Variants in IL6R observed in about 807,000 individuals in gnomAD.
IL6R encodes interleukin 6 receptor.
A neutral mutation model predicts 48.3 loss-of-function variants in IL6R; 38 were observed. The ratio of observed to expected loss-of-function variants is 0.79; its 90% CI spans 0.61 to 1.03. IL6R has a LOEUF of 1.03. IL6R is among the 50% of genes least tolerant of loss of function. IL6R has a pLI of 0.00. For missense variants in IL6R, 534 were observed against 618.3 expected, an observed-to-expected ratio of 0.86 and a Z score of 1.45; for synonymous variants, 264 against 256.2, an observed-to-expected ratio of 1.03 and a Z score of -0.29.
At chr1:154,411,318 A>G (rs1688007560) in intron 1 of IL6R, among the ~76,000 whole-genome samples, 1 of 152,174 alleles carries the variant, frequency 6.6e-6, no homozygotes, top group Admixed American at 6.5e-5. Flanking sequence ...TCGGCCTCCC[A>G]AAGTGCTATA....
At chr1:154,425,821 TG>T (rs533834597) in intron 1 of IL6R, among the ~76,000 whole-genome samples, 72 of 150,164 alleles carry the variant, frequency 4.8e-4, no homozygotes, top group African/African-American at 1.7e-3. Context: ...GCCTCATGCC[TG>T]TAATCTCAGC....
chr1:154,455,355 G>T (rs1690809355), intron 9 of IL6R, among the ~76,000 whole-genome samples: 1 of 152,178 alleles, frequency 6.6e-6, no homozygotes, highest in Admixed American at 6.5e-5. Context: ...GTCATAAAAG[G>T]CCTTGAAAGA....
At chr1:154,456,726 C>T (rs887790673) in intron 9 of IL6R, among the ~76,000 whole-genome samples, 7 of 152,056 alleles carry the variant, frequency 4.6e-5, no homozygotes, top group Non-Finnish European at 8.8e-5. Context: ...TGAGATGCCC[C>T]GAGAACCTCA....
At chr1:154,449,190 C>T (rs1690449369) in intron 7 of IL6R, among the ~76,000 whole-genome samples, 4 of 26 alleles carry the variant, frequency 0.15, no homozygotes, top group South Asian at 0.5. Context: ...CCACCGCGCC[C>T]GGCCTTGTAG....
rs1212907967 is a variant in IL6R at position 154,405,663 on chromosome 1, C to T, written c.34C>T (p.Leu12=). ...CGTCGGCTGCGCGCTGCTGGCTGCC[C>T]TGCTGGCCGCGCCGGGAGCGGCGCT... ...LAVGCALLAA[L]LAAPGAALAP... Residue 12 remains leucine, a synonymous_variant, in exon 1 of 10, where the codon CTG becomes TTG. Coordinates refer to ENST00000368485, the MANE Select transcript of IL6R (RefSeq NM_000565.4). The surrounding 1 kb of genome is among the most constrained non-coding windows in gnomAD (Gnocchi z 5.2). 1.3e-6 allele frequency: 2 copies of T among 1,531,878 alleles called. No individual in the cohort carries two copies. The highest frequency in any genetic ancestry group is 1.4e-5 in the African/African-American group (1 of 72,082). The allele number at this position is 1,531,878 out of a possible 1,614,324, so 94.9% of individuals were successfully genotyped here. A position where few individuals can be genotyped will look rare whatever the true frequency, so the allele number is the denominator to read the frequency against.
At chr1:154,456,527 A>G (rs1308337224) in intron 9 of IL6R, among the ~76,000 whole-genome samples, 1 of 152,196 alleles carries the variant, frequency 6.6e-6, no homozygotes, top group Non-Finnish European at 1.5e-5. Context: ...TTTTAGAGGT[A>G]GAATTGACAA....
At position 154,436,047 on chromosome 1, in the gene IL6R, G is replaced by A. The variant is rs773009253; in HGVS notation, c.886G>A (p.Glu296Lys). ...GCACGTGGTGCAGCTTCGTGCCCAG[G>A]AGGAGTTCGGGCAAGGCGAGTGGAG... is the stretch of plus-strand genomic sequence containing the variant. ...LRHVVQLRAQ[E>K]EFGQGEWSEW... is the part of the protein sequence containing the mutation. The change falls in exon 6 of 10, where the codon GAG becomes AAG. Residue 296 changes from glutamate (E) to lysine (K), a missense_variant. Transcript: ENST00000368485. 6.2e-6 allele frequency: 10 copies of A among 1,613,320 alleles called. No individual in the cohort carries two copies. The highest frequency in any genetic ancestry group is 8.5e-6 in the Non-Finnish European group (10 of 1,179,624).
At position 154,465,861 on chromosome 1, in the gene IL6R, G is replaced by A. The variant is rs965788485; in HGVS notation, c.*481G>A. 1.3e-5 allele frequency: 2 copies of A among 158,066 alleles called. No individual in the cohort carries two copies. Among genetic ancestry groups the A allele is most frequent in the Non-Finnish European group, 2.8e-5 (2 of 71,238 alleles). The allele number at this position is 158,066 out of a possible 1,614,324, so 9.8% of individuals were successfully genotyped here. ...TCCAACTCAAACTCTTAAAACCCAAGTGCCTTAGCAAATTCTGTTTTTCTA... is the reference window on the plus strand; with the variant it reads ...TCCAACTCAAACTCTTAAAACCCAAATGCCTTAGCAAATTCTGTTTTTCTA... On this transcript the variant is annotated 3_prime_UTR_variant, in exon 10 of 10. Coordinates refer to ENST00000368485, the MANE Select transcript of IL6R (RefSeq NM_000565.4).
rs1691251013 is a variant in IL6R, at chr1:154,461,364, C to T, written c.1161-3770C>T. The stretch of plus-strand genomic sequence containing the variant: ...TGGTGGAGGACAGTGTTCCCTGACT[C>T]CTCCAAGGAAAGGAGACTCCCTTTT... On this transcript the variant is annotated intron_variant, in intron 9 of 9. Coordinates refer to ENST00000368485, the MANE Select transcript of IL6R (RefSeq NM_000565.4). Among the ~76,000 whole-genome samples the T allele has an allele frequency of 2.6e-5, 4 of 152,144 alleles. No individual in the cohort carries two copies. The South Asian group carries it at 6.2e-4, about 24-fold the overall frequency.
At chr1:154,458,716 C>T (rs570700081) in intron 9 of IL6R, among the ~76,000 whole-genome samples, 7 of 152,198 alleles carry the variant, frequency 4.6e-5, no homozygotes, top group South Asian at 4.2e-4. Flanking sequence ...GCCTGGCCAA[C>T]GTGGAGAAAC....
At chr1:154,419,975 C>G (rs1456622342) in intron 1 of IL6R, among the ~76,000 whole-genome samples, 1 of 151,920 alleles carries the variant, frequency 6.6e-6, no homozygotes, top group Non-Finnish European at 1.5e-5. Flanking sequence ...GGTGGGGGTC[C>G]CAGTGTCCCT....
chr1:154,465,084 C>T, intron 9 of IL6R, 50 bp from the exon 10 acceptor site: 2 of 1,610,576 alleles, frequency 1.2e-6, no homozygotes, highest in South Asian at 2.2e-5. Context: ...GGGCTTGTCA[C>T]AGGGGGAGCT....
intron 2 of IL6R, among the ~76,000 whole-genome samples, chr1:154,429,700 G>A (rs1157099174): frequency 1.3e-5 from 2 of 152,110 alleles, no homozygotes; most frequent in Non-Finnish European, 2.9e-5. Context: ...CCTGGGGCCC[G>A]GAGTCAGGCA....
chr1:154,462,636 G>C (rs1691331889), intron 9 of IL6R, among the ~76,000 whole-genome samples: 1 of 151,866 alleles, frequency 6.6e-6, no homozygotes, highest in South Asian at 2.1e-4. Flanking sequence ...GCCTCCCAAA[G>C]TGCTGGGATT....
intron 1 of IL6R, among the ~76,000 whole-genome samples, chr1:154,427,065 C>T (rs890921322): frequency 1.3e-5 from 2 of 152,128 alleles, no homozygotes; most frequent in African/African-American, 2.4e-5. Flanking sequence ...ATTACAGGAG[C>T]CTGCCACCAC....
intron 6 of IL6R, among the ~76,000 whole-genome samples, chr1:154,437,046 G>A (rs1480054970): frequency 6.6e-6 from 1 of 152,150 alleles, no homozygotes; most frequent in Non-Finnish European, 1.5e-5. Flanking sequence ...GTAACTGCCT[G>A]ATTAATACAT....
chr1:154,447,824 C>G (rs1690359721), intron 6 of IL6R, among the ~76,000 whole-genome samples: 1 of 151,958 alleles, frequency 6.6e-6, no homozygotes, highest in African/African-American at 2.4e-5. Flanking sequence ...AAACGATTCT[C>G]CTGCCTCAGC....
chr1:154,437,414 TA>T, intron 6 of IL6R: 12 of 363,268 alleles, frequency 3.3e-5, no homozygotes, highest in Middle Eastern at 3.8e-4. Flanking sequence ...TTTTTTAACT[TA>T]AATTTTTTTT....
chr1:154,435,844 TG>T, intron 5 of IL6R, 124 bp from the exon 6 acceptor site: 1 of 774,598 alleles, frequency 1.3e-6, no homozygotes, highest in Non-Finnish European at 2.0e-6. Context: ...TCTGGGGTTG[TG>T]GGAGCCTCTA....
Sources: gnomAD v4.1 joint callset for allele counts (sites outside exome capture counted in the v4.1 genomes callset) on GRCh38, gnomAD v4.1.1 for gene constraint, Gnocchi (gnomAD v3.1) non-coding constraint, MANE v1.5 for transcripts, NCBI Gene and HGNC (gene_info 2026-07-23, HGNC 2026-07-21) for gene names.